Variants in ZNF536 observed in about 807,000 individuals in gnomAD.
The protein encoded by ZNF536 is zinc finger protein 536.
In ZNF536, 13 loss-of-function variants were observed where a neutral mutation model predicts 84.5. The ratio of observed to expected loss-of-function variants is 0.15; its 90% confidence interval spans 0.10 to 0.24. The LOEUF (loss-of-function observed/expected upper bound fraction) is 0.24, where lower values mean the gene tolerates loss of function less well. Ranked by LOEUF, ZNF536 falls within the 10% of genes least tolerant of loss-of-function variation. The probability of loss-of-function intolerance (pLI) is 1.00; values close to 1 mark genes in which losing one functional copy is unlikely to be tolerated. For synonymous variants in ZNF536, 811 were observed against 742.5 expected (o/e 1.09, Z -1.50); for missense variants, 1,536 against 1,747.5 (o/e 0.88, Z 2.16).
intron 1 of ZNF536, among the ~76,000 whole-genome samples, chr19:30,693,287 C>A (rs1255027104): frequency 6.6e-6 from 1 of 152,166 alleles, no homozygotes; most frequent in Non-Finnish European, 1.5e-5. Context: ...ACCAAGATGG[C>A]GTGTAGACTG....
intron 1 of ZNF536, among the ~76,000 whole-genome samples, chr19:30,659,844 C>A (rs2050055249): frequency 6.6e-6 from 1 of 151,574 alleles, no homozygotes; most frequent in South Asian, 2.1e-4. Context: ...GACACAGATC[C>A]AACCATATCA....
At chr19:30,478,156 T>G (rs757231920) in intron 2 of ZNF536, among the ~76,000 whole-genome samples, 5 of 59,820 alleles carry the variant, frequency 8.4e-5, no homozygotes, top group Non-Finnish European at 1.4e-4. Context: ...ATCCTTGGTG[T>G]TTTTTTTTTT....
intron 2 of ZNF536, among the ~76,000 whole-genome samples, chr19:30,523,255 G>C (rs545489661): frequency 2.6e-5 from 4 of 152,146 alleles, no homozygotes. Flanking sequence ...TACATATGAC[G>C]CGTTGCTTTG....
In ZNF536 at chr19:30,328,202, G is replaced by C. The variant is rs555359195; in HGVS notation, c.-119-24166G>C. On this transcript the variant is annotated intron_variant, in intron 2 of 5. Transcript: ENST00000585628. The stretch of plus-strand genomic sequence containing the variant: ...TGCAGAACTCCCCAGGGGAGGTGGG[G>C]AGGCATTGCCCAGCTCCAGTGACCA... Among the ~76,000 whole-genome samples the C allele has an allele frequency of 2.6e-5, 4 of 152,352 alleles. No homozygotes were observed. The East Asian group carries it at 7.7e-4, about 29-fold the overall frequency.
intron 1 of ZNF536, among the ~76,000 whole-genome samples, chr19:30,423,728 C>G (rs1403994455): frequency 6.6e-6 from 1 of 152,212 alleles, no homozygotes; most frequent in Non-Finnish European, 1.5e-5. Context: ...GTGCGAAGAG[C>G]ATGCAAGGGC....
At chr19:30,658,250 GAC>G (rs1451183704) in intron 1 of ZNF536, among the ~76,000 whole-genome samples, 3 of 152,064 alleles carry the variant, frequency 2.0e-5, no homozygotes, top group African/African-American at 7.2e-5. Context: ...TTGAAGTTCT[GAC>G]TTCAAGTGAT....
chr19:30,565,309 AC>A (rs1196562006), intron 1 of ZNF536, among the ~76,000 whole-genome samples: 1 of 151,538 alleles, frequency 6.6e-6, no homozygotes, highest in Non-Finnish European at 1.5e-5. Flanking sequence ...CCATCTACTT[AC>A]CCGGGGAGAG....
upstream of ZNF536, among the ~76,000 whole-genome samples, chr19:30,371,959 G>GT (rs2048626832): frequency 6.6e-6 from 1 of 152,016 alleles, no homozygotes; most frequent in Non-Finnish European, 1.5e-5. Flanking sequence ...TTTTCGTAAG[G>GT]TAAAAGAAGG....
chr19:30,410,203 T>A (rs2050421635), intron 1 of ZNF536, among the ~76,000 whole-genome samples: 1 of 152,120 alleles, frequency 6.6e-6, no homozygotes, highest in Non-Finnish European at 1.5e-5. Context: ...TAAATTCACC[T>A]TAAGTATTTA....
Position 30,297,909 on chromosome 19 carries a change from C to CA in ZNF536, c.-120+13768_-120+13769insA, listed in dbSNP as rs1339771297. 3.3e-4 allele frequency among the ~76,000 whole-genome samples: 48 copies of CA among 147,534 alleles called. 2 individuals are homozygous for CA. The highest frequency in any genetic ancestry group is 1.2e-3 in the African/African-American group (46 of 38,252). On this transcript the variant is annotated intron_variant, in intron 2 of 5. Coordinates refer to the ZNF536 transcript ENST00000585628. ...TTTTTTTCTCAAGACGGAGTCCCCC[C>CA]CCCCTCTGTCGCCCAGGCTGGAGTG...
At chr19:30,260,748 C>T (rs549227079) in intron 1 of ZNF536, among the ~76,000 whole-genome samples, 49 of 152,290 alleles carry the variant, frequency 3.2e-4, no homozygotes, top group African/African-American at 1.1e-3. Context: ...GTCTAGCGAA[C>T]CTGCAAAGGC....
At chr19:30,702,505 T>C (rs2052028335) in intron 1 of ZNF536, among the ~76,000 whole-genome samples, 1 of 152,142 alleles carries the variant, frequency 6.6e-6, no homozygotes, top group African/African-American at 2.4e-5. Flanking sequence ...CTCTGAGCCC[T>C]GGATAAAGAT....
intron 1 of ZNF536, among the ~76,000 whole-genome samples, chr19:30,423,738 C>G (rs1359471433): frequency 6.6e-6 from 1 of 152,138 alleles, no homozygotes; most frequent in Non-Finnish European, 1.5e-5. Context: ...CATGCAAGGG[C>G]AGGGCTCCCT....
intron 3 of ZNF536, among the ~76,000 whole-genome samples, chr19:30,356,668 G>C (rs147637706): frequency 1.3e-5 from 2 of 152,306 alleles, no homozygotes; most frequent in African/African-American, 4.8e-5. Flanking sequence ...AAGGTCCCAC[G>C]GTGGACACTT....
At position 30,575,827 on chromosome 19, in the gene ZNF536, T is replaced by C. The variant is rs547513577; in HGVS notation, c.169+26313T>C. Among the ~76,000 whole-genome samples the C allele has an allele frequency of 5.9e-5, 9 of 152,280 alleles. 1 individual carries two copies. Among genetic ancestry groups the C allele is most frequent in the African/African-American group, 2.2e-4 (9 of 41,552 alleles). Reference sequence around the variant, plus strand: ...TCCTCGGAGGATGTGGGGCGCACACTTGGGTGAGGCCCTGAGGACAGCAGC... The same window carrying C: ...TCCTCGGAGGATGTGGGGCGCACACCTGGGTGAGGCCCTGAGGACAGCAGC... On this transcript the variant is annotated intron_variant, in intron 1 of 1. Transcript: ENST00000592773.
intron 2 of ZNF536, among the ~76,000 whole-genome samples, chr19:30,300,034 G>A (rs1334106775): frequency 6.6e-6 from 1 of 152,142 alleles, no homozygotes; most frequent in African/African-American, 2.4e-5. Context: ...TTCAGACGAG[G>A]CAAAACCTTT....
chr19:30,638,573 T>C (rs1402498993), intron 1 of ZNF536, among the ~76,000 whole-genome samples: 1 of 152,186 alleles, frequency 6.6e-6, no homozygotes, highest in African/African-American at 2.4e-5. Context: ...AGGCAGGTAG[T>C]GCTAAAAACC....
chr19:30,693,433 C>A (rs572231613), intron 1 of ZNF536, among the ~76,000 whole-genome samples: 6 of 152,142 alleles, frequency 3.9e-5, no homozygotes, highest in Admixed American at 6.5e-5. Flanking sequence ...TGCTTCATTG[C>A]AGCTGGGTGC....
intron 1 of ZNF536, chr19:30,436,517 A>G: frequency 9.1e-6 from 9 of 985,316 alleles, no homozygotes; most frequent in Non-Finnish European, 1.1e-5. Flanking sequence ...CTCTAGGCCA[A>G]AATGTAAGCA....
Sources: gnomAD v4.1 joint callset for allele counts (sites outside exome capture counted in the v4.1 genomes callset) on GRCh38, gnomAD v4.1.1 for gene constraint, MANE v1.5 for transcripts, NCBI Gene and HGNC (gene_info 2026-07-23, HGNC 2026-07-21) for gene names.